The following CCDC178 variants were observed in gnomAD, a reference collection of about 807,000 sequenced individuals.
The protein encoded by CCDC178 is coiled-coil domain containing 178, also known as coiled-coil domain-containing protein 178.
In CCDC178, 126 loss-of-function variants were observed where a neutral mutation model predicts 117.4. That is an observed-to-expected ratio of 1.07 (90% CI 0.93 to 1.24). The LOEUF is 1.24. Among genes scored for constraint, CCDC178 ranks in the 50% most tolerant of loss-of-function variants. CCDC178 has a pLI of 0.00. For missense variants in CCDC178, 1,030 were observed against 986.9 expected, an observed-to-expected ratio of 1.04 and a Z score of -0.59; for synonymous variants, 283 against 313.4, an observed-to-expected ratio of 0.90 and a Z score of 1.02.
chr18:33,243,152 G>C (rs572928717), intron 15 of CCDC178, among the ~76,000 whole-genome samples: 5 of 152,004 alleles, frequency 3.3e-5, no homozygotes, highest in Admixed American at 2.6e-4. Context: ...CTCAGGAATA[G>C]AAAGTTAAAT....
At chr18:33,054,507 T>C (rs1221377769) in intron 21 of CCDC178, among the ~76,000 whole-genome samples, 1 of 152,182 alleles carries the variant, frequency 6.6e-6, no homozygotes, top group African/African-American at 2.4e-5. Flanking sequence ...CACTTACAAC[T>C]GAGAACATGC....
chr18:33,092,258 A>G (rs538908842), intron 21 of CCDC178, among the ~76,000 whole-genome samples: 1 of 152,144 alleles, frequency 6.6e-6, no homozygotes, highest in Admixed American at 6.5e-5. Flanking sequence ...TTACCTTTCC[A>G]CTTACCATTA....
intron 9 of CCDC178, among the ~76,000 whole-genome samples, chr18:33,335,500 C>A (rs1218394844): frequency 6.6e-6 from 1 of 150,928 alleles, no homozygotes. Context: ...ATTCATGATG[C>A]CCTCTCATTC....
intron 21 of CCDC178, among the ~76,000 whole-genome samples, chr18:32,978,203 A>AT (rs34863142): frequency 0.41 from 36,687 of 90,094 alleles, 7,078 homozygotes; most frequent in Non-Finnish European, 0.49. Context: ...CTCAAAAAAG[A>AT]TTTTTTTTTT....
intron 21 of CCDC178, among the ~76,000 whole-genome samples, chr18:33,047,227 A>G (rs1484624768): frequency 2.0e-5 from 3 of 152,176 alleles, no homozygotes; most frequent in African/African-American, 7.2e-5. Flanking sequence ...GAAAAAAAAT[A>G]CAAATGGCAC....
chr18:33,015,381 C>T (rs933815196), intron 21 of CCDC178, among the ~76,000 whole-genome samples: 1 of 151,626 alleles, frequency 6.6e-6, no homozygotes, highest in African/African-American at 2.4e-5. Context: ...CTGGCTAACA[C>T]GGTGAAACCC....
intron 18 of CCDC178, among the ~76,000 whole-genome samples, chr18:33,217,392 T>C (rs1050782454): frequency 2.0e-5 from 3 of 152,060 alleles, no homozygotes; most frequent in African/African-American, 4.8e-5. Flanking sequence ...ACAATTGATA[T>C]AGATCTTAAA....
At position 33,065,475 on chromosome 18, in the gene CCDC178, G is replaced by A. The variant is rs573886088; in HGVS notation, c.2388+27286C>T. 3.3e-5 allele frequency among the ~76,000 whole-genome samples: 5 copies of A among 152,286 alleles called. No individual in the cohort carries two copies. In the East Asian group the frequency reaches 9.6e-4, roughly 29 times the overall value. On this transcript the variant is annotated intron_variant, in intron 21 of 22. Transcript: ENST00000383096. ...CAATACTTGAATTTTGGGATTTCCAGAAGGAGACGAGATGGATAAAAGCAT... is the reference window on the plus strand; with the variant it reads ...CAATACTTGAATTTTGGGATTTCCAAAAGGAGACGAGATGGATAAAAGCAT...
chr18:33,433,411 G>A (rs2144976957), intron 2 of CCDC178, among the ~76,000 whole-genome samples: 1 of 152,152 alleles, frequency 6.6e-6, no homozygotes, highest in South Asian at 2.1e-4. Context: ...CCTTAATTAC[G>A]ACCTTGTCAA....
At chr18:33,425,399 C>T (rs1323689303) in intron 2 of CCDC178, among the ~76,000 whole-genome samples, 1 of 152,216 alleles carries the variant, frequency 6.6e-6, no homozygotes, top group Non-Finnish European at 1.5e-5. Context: ...CAGGGACTCA[C>T]ATGCTGTCAG....
chr18:33,257,727 C>T (rs1411726977), intron 14 of CCDC178, among the ~76,000 whole-genome samples: 2 of 152,236 alleles, frequency 1.3e-5, no homozygotes, highest in Middle Eastern at 3.4e-3. Flanking sequence ...TCTGCCTACA[C>T]TCTCTTTTTA....
chr18:33,271,362 C>G (rs760304560), intron 12 of CCDC178, among the ~76,000 whole-genome samples: 1 of 151,230 alleles, frequency 6.6e-6, no homozygotes, highest in Non-Finnish European at 1.5e-5. Flanking sequence ...CATGGGAGAT[C>G]AAAGACACAA....
chr18:33,013,595 T>C (rs1268741215), intron 21 of CCDC178, among the ~76,000 whole-genome samples: 1 of 152,210 alleles, frequency 6.6e-6, no homozygotes, highest in African/African-American at 2.4e-5. Context: ...ATAAGAAGTA[T>C]GTAAGCCAAA....
At chr18:33,267,437 T>C (rs902267636) in intron 12 of CCDC178, 140 bp from the exon 13 acceptor site, 6 of 514,610 alleles carry the variant, frequency 1.2e-5, no homozygotes, top group African/African-American at 7.9e-5. Context: ...TTCGGAATCA[T>C]AATTCATCAC....
intron 22 of CCDC178, among the ~76,000 whole-genome samples, chr18:32,940,508 CTT>C (rs2054213461): frequency 6.6e-6 from 1 of 151,594 alleles, no homozygotes; most frequent in African/African-American, 2.4e-5. Flanking sequence ...TATTTTTTAA[CTT>C]TATTTTAGGT....
At chr18:33,053,176 G>C (rs568811935) in intron 21 of CCDC178, among the ~76,000 whole-genome samples, 108 of 152,196 alleles carry the variant, frequency 7.1e-4, no homozygotes, top group African/African-American at 2.5e-3. Flanking sequence ...CTGGTGTCTG[G>C]ACATCAGCCT....
chr18:33,213,039 A>C (rs1285571143), intron 19 of CCDC178, among the ~76,000 whole-genome samples: 1 of 151,996 alleles, frequency 6.6e-6, no homozygotes, highest in Non-Finnish European at 1.5e-5. Flanking sequence ...TTTGGGAAGG[A>C]CTAAACTAAT....
At chr18:33,213,441 A>G (rs1420852954) in intron 19 of CCDC178, among the ~76,000 whole-genome samples, 1 of 151,930 alleles carries the variant, frequency 6.6e-6, no homozygotes, top group Non-Finnish European at 1.5e-5. Flanking sequence ...GTGATGTCTG[A>G]TCAGTAGCCA....
chr18:33,014,487 G>A (rs570991734), intron 21 of CCDC178, among the ~76,000 whole-genome samples: 2 of 152,160 alleles, frequency 1.3e-5, no homozygotes, highest in African/African-American at 4.8e-5. Flanking sequence ...CAAAGCACTA[G>A]CAATCTAAAA....
Sources: gnomAD v4.1 joint callset for allele counts (sites outside exome capture counted in the v4.1 genomes callset) on GRCh38, gnomAD v4.1.1 for gene constraint, MANE v1.5 for transcripts, NCBI Gene and HGNC (gene_info 2026-07-23, HGNC 2026-07-21) for gene names.